The following DPP6 variants were observed in gnomAD, a reference collection of about 807,000 sequenced individuals.
DPP6 encodes the protein dipeptidyl peptidase like 6.
DPP6 carries 69 observed loss-of-function variants against 122.6 expected under a neutral mutation model. The observed-to-expected ratio is 0.56, with a 90% CI of 0.46 to 0.69. The LOEUF is 0.69. Among genes scored for constraint, DPP6 ranks in the 30% least tolerant of loss-of-function variants. The pLI is 0.00. For synonymous variants in DPP6, 418 were observed against 433.1 expected (o/e 0.97, Z 0.43); for missense variants, 928 against 1,116.9 (o/e 0.83, Z 2.41).
intron 17 of DPP6, among the ~76,000 whole-genome samples, chr7:154,861,609 G>T (rs950070982): frequency 6.6e-6 from 1 of 152,158 alleles, no homozygotes; most frequent in Admixed American, 6.5e-5. Flanking sequence ...ATCATTACTT[G>T]TTGGATGGAA....
chr7:154,271,606 G>A (rs779744411), intron 1 of DPP6, among the ~76,000 whole-genome samples: 79 of 152,130 alleles, frequency 5.2e-4, no homozygotes, highest in Admixed American at 2.4e-3. Context: ...TGAAAAGAGT[G>A]TACCTGCTCA....
chr7:153,885,721 T>C (rs1798885976), upstream of DPP6, among the ~76,000 whole-genome samples: 1 of 152,330 alleles, frequency 6.6e-6, no homozygotes, highest in Middle Eastern at 3.4e-3. Flanking sequence ...TACCACTTTC[T>C]AGCAAAGCCT....
chr7:153,995,988 G>C (rs1797415125), intron 1 of DPP6, among the ~76,000 whole-genome samples: 1 of 152,190 alleles, frequency 6.6e-6, no homozygotes, highest in African/African-American at 2.4e-5. Flanking sequence ...TGGTATCTGG[G>C]CAACATTCCG....
At chr7:154,681,607 C>T (rs112460771) in intron 7 of DPP6, among the ~76,000 whole-genome samples, 14,442 of 152,172 alleles carry the variant, frequency 0.095, 946 homozygotes, top group African/African-American at 0.19. Context: ...CGGGGGAGGG[C>T]TGTACTCGGT....
At chr7:153,764,664 T>C in the DPP6 span, among the ~76,000 whole-genome samples, 1 of 151,646 alleles carries the variant, frequency 6.6e-6, no homozygotes, top group African/African-American at 2.4e-5. Context: ...TAGCCTTTTC[T>C]CTCACTGTGA....
At chr7:154,103,197 CAGA>C (rs1805879219) in intron 1 of DPP6, among the ~76,000 whole-genome samples, 1 of 152,178 alleles carries the variant, frequency 6.6e-6, no homozygotes, top group African/African-American at 2.4e-5. Context: ...CTGATTCCGA[CAGA>C]AGTGCAGTCA....
chr7:153,963,680 A>G (rs1406245719), intron 1 of DPP6, among the ~76,000 whole-genome samples: 2 of 152,136 alleles, frequency 1.3e-5, no homozygotes, highest in Admixed American at 6.5e-5. Flanking sequence ...TGGGAACCCT[A>G]TTGTGAACTG....
chr7:154,712,310 G>T (rs1039053661), intron 7 of DPP6, among the ~76,000 whole-genome samples: 2 of 152,136 alleles, frequency 1.3e-5, no homozygotes, highest in Non-Finnish European at 1.5e-5. Context: ...ATTCCATATT[G>T]TATACCTCAT....
At chr7:154,262,550 A>G (rs4269444) in intron 1 of DPP6, among the ~76,000 whole-genome samples, 29,053 of 151,818 alleles carry the variant, frequency 0.19, 3,260 homozygotes, top group African/African-American at 0.32. Context: ...CGGCCTCCAG[A>G]ACTGTGAGAA....
At chr7:154,582,833 G>C (rs1832164071) in intron 5 of DPP6, among the ~76,000 whole-genome samples, 1 of 152,174 alleles carries the variant, frequency 6.6e-6, no homozygotes, top group African/African-American at 2.4e-5. Flanking sequence ...CCACAGAGTG[G>C]AATGAGTGCT....
chr7:154,318,628 G>C (rs1486304045), intron 1 of DPP6, among the ~76,000 whole-genome samples: 1 of 152,218 alleles, frequency 6.6e-6, no homozygotes, highest in Non-Finnish European at 1.5e-5. Context: ...TATTGCAACA[G>C]AACCAGAAAT....
intron 1 of DPP6, among the ~76,000 whole-genome samples, chr7:154,097,992 T>C (rs1805452980): frequency 6.6e-6 from 1 of 152,150 alleles, no homozygotes; most frequent in Non-Finnish European, 1.5e-5. Flanking sequence ...TTAGGAGCAA[T>C]TCATAAAATC....
At chr7:154,857,040 TTGACTC>T (rs3054401) in intron 17 of DPP6, among the ~76,000 whole-genome samples, 2,779 of 152,302 alleles carry the variant, frequency 0.018, 77 homozygotes, top group African/African-American at 0.063. Context: ...ATAGCAGTGT[TTGACTC>T]TGGGTTTCCT....
chr7:154,406,451 A>ATG (rs1554540598), intron 1 of DPP6, among the ~76,000 whole-genome samples: 13,102 of 150,920 alleles, frequency 0.087, 632 homozygotes, highest in East Asian at 0.12. Context: ...ACACACACGC[A>ATG]CACATGCACA....
intron 7 of DPP6, among the ~76,000 whole-genome samples, chr7:154,687,725 A>T (rs1214931439): frequency 2.0e-5 from 3 of 152,108 alleles, no homozygotes; most frequent in Non-Finnish European, 4.4e-5. Flanking sequence ...TATGGTTTGC[A>T]TTTTTAAGTC....
At chr7:154,260,369 C>T (rs1489866035) in intron 1 of DPP6, among the ~76,000 whole-genome samples, 2 of 152,048 alleles carry the variant, frequency 1.3e-5, no homozygotes, top group Non-Finnish European at 2.9e-5. Flanking sequence ...AGTGGTTATT[C>T]GTGGGATTTT....
chr7:154,819,411 G>A (rs1799622849), intron 16 of DPP6, among the ~76,000 whole-genome samples: 1 of 152,074 alleles, frequency 6.6e-6, no homozygotes, highest in South Asian at 2.1e-4. Flanking sequence ...GTGAAACTCT[G>A]TCTCAATAAA....
At chr7:154,687,529 A>G (rs1206245942) in intron 7 of DPP6, among the ~76,000 whole-genome samples, 3 of 151,722 alleles carry the variant, frequency 2.0e-5, no homozygotes, top group Non-Finnish European at 4.4e-5. Flanking sequence ...CTTTTAACCT[A>G]TTTTTCCTTC....
chr7:154,779,042 A>AC (rs1796813611), intron 10 of DPP6, among the ~76,000 whole-genome samples: 7 of 138,684 alleles, frequency 5.0e-5, no homozygotes, highest in South Asian at 2.3e-4. Flanking sequence ...CACCACCACC[A>AC]CAACTACCCC....
Sources: gnomAD v4.1 joint callset for allele counts (sites outside exome capture counted in the v4.1 genomes callset) on GRCh38, gnomAD v4.1.1 for gene constraint, MANE v1.5 for transcripts, NCBI Gene and HGNC (gene_info 2026-07-23, HGNC 2026-07-21) for gene names.